Variants in TMEM108 observed in about 807,000 individuals in gnomAD.
TMEM108 encodes the protein cancer/testis antigen 124.
Under a neutral mutation model 35.1 loss-of-function variants are expected in TMEM108, and 12 were observed. The observed-to-expected ratio is 0.34, with a 90% CI of 0.22 to 0.55. TMEM108 has a LOEUF of 0.55. TMEM108 is among the 20% of genes least tolerant of loss of function. The pLI is 0.89. For synonymous variants in TMEM108, 287 were observed against 308.6 expected, an observed-to-expected ratio of 0.93 and a Z score of 0.73; for missense variants, 680 against 753.3, an observed-to-expected ratio of 0.90 and a Z score of 1.14.
At chr3:133,176,527 T>C (rs975549033) in intron 2 of TMEM108, among the ~76,000 whole-genome samples, 1 of 152,026 alleles carries the variant, frequency 6.6e-6, no homozygotes, top group Non-Finnish European at 1.5e-5. Flanking sequence ...TCAAAACTAC[T>C]CAACTACATG....
At chr3:133,209,527 C>T (rs921110406) in intron 2 of TMEM108, among the ~76,000 whole-genome samples, 9 of 152,122 alleles carry the variant, frequency 5.9e-5, no homozygotes, top group Non-Finnish European at 1.0e-4. Context: ...GCCCCAGCCC[C>T]TCCTATTAGC....
chr3:133,265,731 G>T (rs558887597), intron 3 of TMEM108, among the ~76,000 whole-genome samples: 1 of 152,294 alleles, frequency 6.6e-6, no homozygotes, highest in Non-Finnish European at 1.5e-5. Flanking sequence ...TTCCCCTCCA[G>T]ATTCCATAGT....
At chr3:133,319,112 C>T (rs1234842669) in intron 3 of TMEM108, among the ~76,000 whole-genome samples, 2 of 152,066 alleles carry the variant, frequency 1.3e-5, no homozygotes, top group African/African-American at 4.8e-5. Flanking sequence ...AGAGGCAACC[C>T]TAATCCCCTC....
chr3:133,220,045 C>T (rs186804199), intron 2 of TMEM108, among the ~76,000 whole-genome samples: 1 of 147,120 alleles, frequency 6.8e-6, no homozygotes, highest in Admixed American at 6.8e-5. Flanking sequence ...TGAATTGAAC[C>T]TTTCATCCTT....
intron 3 of TMEM108, among the ~76,000 whole-genome samples, chr3:133,243,930 G>A (rs1052613939): frequency 4.6e-5 from 7 of 152,124 alleles, no homozygotes; most frequent in Admixed American, 4.6e-4. Flanking sequence ...GGTTTCCCAG[G>A]AATAACTGAT....
intron 3 of TMEM108, among the ~76,000 whole-genome samples, chr3:133,289,262 C>T (rs1372546986): frequency 6.6e-6 from 1 of 152,012 alleles, no homozygotes; most frequent in Non-Finnish European, 1.5e-5. Context: ...AAAAGAATAA[C>T]CAAAACTTTG....
chr3:133,330,215 C>T (rs1033110014), intron 3 of TMEM108, among the ~76,000 whole-genome samples: 1 of 152,194 alleles, frequency 6.6e-6, no homozygotes, highest in African/African-American at 2.4e-5. Context: ...GCTTCCCCTG[C>T]GGAAGCCTGT....
At chr3:133,113,882 T>G (rs1944255733) in intron 2 of TMEM108, among the ~76,000 whole-genome samples, 1 of 152,174 alleles carries the variant, frequency 6.6e-6, no homozygotes. Context: ...TGTGGCTGCA[T>G]GTACTGGACA....
chr3:133,188,447 G>A (rs1184764542), intron 2 of TMEM108, among the ~76,000 whole-genome samples: 1 of 150,944 alleles, frequency 6.6e-6, no homozygotes, highest in Non-Finnish European at 1.5e-5. Context: ...TTATCCTTAG[G>A]AATGGAGGGT....
At chr3:133,118,721 G>A (rs1944316422) in intron 2 of TMEM108, among the ~76,000 whole-genome samples, 1 of 152,186 alleles carries the variant, frequency 6.6e-6, no homozygotes, top group Admixed American at 6.5e-5. Context: ...CAATGAGGCG[G>A]CGGGCTGAAC....
intron 3 of TMEM108, among the ~76,000 whole-genome samples, chr3:133,357,469 G>A (rs990057230): frequency 2.0e-5 from 3 of 152,020 alleles, no homozygotes; most frequent in South Asian, 2.1e-4. Flanking sequence ...AAAAAGATAC[G>A]AGCACATGCA....
chr3:133,059,569 T>C (rs577633426), intron 2 of TMEM108, among the ~76,000 whole-genome samples: 6 of 152,336 alleles, frequency 3.9e-5, no homozygotes, highest in African/African-American at 1.4e-4. Context: ...GAGAGAGGCC[T>C]AGGTTTTCTT....
At chr3:133,292,665 A>G (rs1947088852) in intron 3 of TMEM108, among the ~76,000 whole-genome samples, 1 of 152,186 alleles carries the variant, frequency 6.6e-6, no homozygotes, top group South Asian at 2.1e-4. Context: ...CAGTTTTTAT[A>G]AAGTTTTTTT....
chr3:133,286,372 T>C (rs1166273725), intron 3 of TMEM108, among the ~76,000 whole-genome samples: 1 of 152,192 alleles, frequency 6.6e-6, no homozygotes, highest in African/African-American at 2.4e-5. Context: ...CTCACTCTGC[T>C]GCTCAGGCTG....
At chr3:133,359,581 C>T (rs1306512634) in intron 3 of TMEM108, among the ~76,000 whole-genome samples, 1 of 152,166 alleles carries the variant, frequency 6.6e-6, no homozygotes, top group Non-Finnish European at 1.5e-5. Flanking sequence ...CCATGAGGAA[C>T]TGGTAATGCT....
intron 3 of TMEM108, among the ~76,000 whole-genome samples, chr3:133,372,927 C>G (rs536701199): frequency 6.6e-6 from 1 of 152,338 alleles, no homozygotes; most frequent in South Asian, 2.1e-4. Flanking sequence ...TCACCCAGCT[C>G]ACCCTGAAGT....
At chr3:133,207,335 G>GA (rs749782703) in intron 2 of TMEM108, among the ~76,000 whole-genome samples, 5,159 of 65,336 alleles carry the variant, frequency 0.079, 271 homozygotes, top group African/African-American at 0.25. Flanking sequence ...CAGTCCCAGT[G>GA]AGGAGCCAGG....
chr3:133,194,617 A>G (rs1576374313), intron 2 of TMEM108, among the ~76,000 whole-genome samples: 1 of 151,142 alleles, frequency 6.6e-6, no homozygotes, highest in South Asian at 2.1e-4. Context: ...AATTCACTTT[A>G]TCTAAGTTCT....
rs150948516 is a variant in TMEM108 at position 133,286,276 on chromosome 3, T to C, written c.40+56925T>C. On this transcript the variant is annotated intron_variant, in intron 3 of 5. Coordinates refer to ENST00000321871, the MANE Select transcript of TMEM108 (RefSeq NM_023943.4). ...CTGTAGAAATAGAACAAACACATAATTGGGAGAAGCAGCAAAGAATCTGTG... is the reference window on the plus strand; with the variant it reads ...CTGTAGAAATAGAACAAACACATAACTGGGAGAAGCAGCAAAGAATCTGTG... Among the ~76,000 whole-genome samples the C allele has an allele frequency of 2.8e-4, 42 of 152,288 alleles. No homozygotes were observed. In the East Asian group the frequency reaches 8.1e-3, roughly 29 times the overall value.
Sources: gnomAD v4.1 joint callset for allele counts (sites outside exome capture counted in the v4.1 genomes callset) on GRCh38, gnomAD v4.1.1 for gene constraint, MANE v1.5 for transcripts, NCBI Gene and HGNC (gene_info 2026-07-23, HGNC 2026-07-21) for gene names.